ROR2: variants seen among roughly 807,000 people sequenced by gnomAD.
The protein encoded by ROR2 is ROR family WNT receptor 2, also known as tyrosine-protein kinase transmembrane receptor ROR2.
Under a neutral mutation model 74.9 loss-of-function variants are expected in ROR2, and 33 were observed. The observed-to-expected ratio is 0.44, with a 90% CI of 0.33 to 0.59. ROR2 has a LOEUF of 0.59. Ranked by LOEUF, ROR2 falls within the 20% of genes least tolerant of loss-of-function variation. The pLI, the probability that ROR2 is intolerant of heterozygous loss-of-function variation, is 0.02. For synonymous variants in ROR2, 586 were observed against 558.7 expected, an observed-to-expected ratio of 1.05 and a Z score of -0.69; for missense variants, 1,216 against 1,313.8, an observed-to-expected ratio of 0.93 and a Z score of 1.15.
chr9:91,818,159 C>T (rs184884369), intron 1 of ROR2, among the ~76,000 whole-genome samples: 5 of 152,146 alleles, frequency 3.3e-5, no homozygotes, highest in African/African-American at 1.2e-4. Flanking sequence ...GACTTCTTTC[C>T]AAGAACATGG....
intron 2 of ROR2, among the ~76,000 whole-genome samples, chr9:91,760,021 G>A (rs1050164516): frequency 5.3e-5 from 8 of 152,126 alleles, no homozygotes; most frequent in African/African-American, 1.4e-4. Context: ...CAGTATCAAC[G>A]CTCCCAAATT....
chr9:91,917,456 G>T lies in ROR2; in HGVS notation c.97+32411C>A, dbSNP rs376157000. 7.9e-5 allele frequency among the ~76,000 whole-genome samples: 12 copies of T among 152,198 alleles called. 1 individual carries two copies. The East Asian group carries it at 1.2e-3, about 15-fold the overall frequency. Reference sequence around the variant, plus strand: ...TGGACGCTGACACATTATGCAGAGGGCAGGGAAGCTCGTGTGTCCTCACTG... The same window carrying T: ...TGGACGCTGACACATTATGCAGAGGTCAGGGAAGCTCGTGTGTCCTCACTG... On this transcript the variant is annotated intron_variant, in intron 1 of 8. Coordinates refer to ENST00000375708, the MANE Select transcript of ROR2 (RefSeq NM_004560.4).
chr9:91,886,895 G>A (rs1830297788), intron 1 of ROR2: 1 of 152,134 alleles, frequency 6.6e-6, no homozygotes, highest in Non-Finnish European at 1.5e-5. Flanking sequence ...GGATTCCTAG[G>A]GATATATAAA....
At chr9:91,887,597 C>T (rs1240657009) in intron 1 of ROR2, among the ~76,000 whole-genome samples, 2 of 152,024 alleles carry the variant, frequency 1.3e-5, no homozygotes, top group African/African-American at 2.4e-5. Flanking sequence ...ATGAACATTC[C>T]CCTTATGGTT....
chr9:91,903,849 GTATT>G (rs1476754646), intron 1 of ROR2, among the ~76,000 whole-genome samples: 1 of 152,064 alleles, frequency 6.6e-6, no homozygotes, highest in Non-Finnish European at 1.5e-5. Context: ...CTTATTTTAC[GTATT>G]TAAAGGGATA....
At chr9:91,858,804 G>A (rs1052030912) in intron 1 of ROR2, among the ~76,000 whole-genome samples, 4 of 152,158 alleles carry the variant, frequency 2.6e-5, no homozygotes, top group African/African-American at 9.7e-5. Flanking sequence ...ATCTCCACAA[G>A]GACCCGTGAG....
chr9:91,783,185 G>A (rs1309893999), intron 1 of ROR2, among the ~76,000 whole-genome samples: 1 of 152,114 alleles, frequency 6.6e-6, no homozygotes, highest in Non-Finnish European at 1.5e-5. Flanking sequence ...GAGCCCTGAT[G>A]ACCTCCTTTT....
intron 1 of ROR2, among the ~76,000 whole-genome samples, chr9:91,907,271 G>T (rs570446271): frequency 6.6e-6 from 1 of 152,184 alleles, no homozygotes; most frequent in African/African-American, 2.4e-5. Flanking sequence ...GCAGCCCCCA[G>T]ACTCCTCCTC....
intron 7 of ROR2, among the ~76,000 whole-genome samples, chr9:91,726,981 C>T (rs1008297996): frequency 2.6e-5 from 4 of 152,118 alleles, no homozygotes; most frequent in African/African-American, 4.8e-5. Flanking sequence ...TGGAAACAAG[C>T]GGGAATATGC....
At chr9:91,839,279 T>TGTGTGTGTGTGTAAGTACAGGC (rs1554681728) in intron 1 of ROR2, among the ~76,000 whole-genome samples, 65 of 136,572 alleles carry the variant, frequency 4.8e-4, no homozygotes, top group African/African-American at 1.7e-3. Context: ...TGTGTGTGTG[T>TGTGTGTGTGTGTAAGTACAGGC]GTGTGTGTGT....
chr9:91,926,368 G>A (rs932483134), intron 1 of ROR2, among the ~76,000 whole-genome samples: 1 of 143,130 alleles, frequency 7.0e-6, no homozygotes, highest in African/African-American at 2.7e-5. Flanking sequence ...GGGCGACAGA[G>A]CAAGACTCCG....
At chr9:91,898,477 C>T (rs1830593281) in intron 1 of ROR2, among the ~76,000 whole-genome samples, 1 of 152,164 alleles carries the variant, frequency 6.6e-6, no homozygotes, top group African/African-American at 2.4e-5. Context: ...AGGATTACAA[C>T]CCCAAGACGT....
At chr9:91,796,436 GAAAAA>G (rs907750118) in intron 1 of ROR2, among the ~76,000 whole-genome samples, 2 of 87,700 alleles carry the variant, frequency 2.3e-5, no homozygotes, top group African/African-American at 7.3e-5. Context: ...TTGTCCCAAG[GAAAAA>G]AAAAAAAAAA....
chr9:91,928,282 TC>T (rs1340198510), intron 1 of ROR2, among the ~76,000 whole-genome samples: 3 of 151,998 alleles, frequency 2.0e-5, no homozygotes, highest in Non-Finnish European at 2.9e-5. Context: ...TATTTCCCAA[TC>T]CCCTCACTGC....
intron 1 of ROR2, among the ~76,000 whole-genome samples, chr9:91,892,716 A>C (rs1433210457): frequency 1.3e-5 from 2 of 150,982 alleles, no homozygotes; most frequent in African/African-American, 2.4e-5. Flanking sequence ...CAGCCCCCTG[A>C]GTAGCTGGGA....
At chr9:91,891,206 C>T (rs572122141) in intron 1 of ROR2, among the ~76,000 whole-genome samples, 3 of 152,074 alleles carry the variant, frequency 2.0e-5, no homozygotes, top group East Asian at 3.9e-4. Context: ...TGGGTTCCCA[C>T]CTCTTACACA....
intron 4 of ROR2, among the ~76,000 whole-genome samples, chr9:91,748,231 T>C (rs1825491841): frequency 6.6e-6 from 1 of 151,574 alleles, no homozygotes; most frequent in East Asian, 1.9e-4. Context: ...GCCAAGACTG[T>C]GCACTGCTGC....
At chr9:91,796,245 C>T (rs1587726332) in intron 1 of ROR2, among the ~76,000 whole-genome samples, 1 of 151,938 alleles carries the variant, frequency 6.6e-6, no homozygotes, top group Non-Finnish European at 1.5e-5. Context: ...AGTTTGAGAC[C>T]AGCTTGGGCA....
Position 91,926,914 on chromosome 9 carries a change from G to A in ROR2, c.97+22953C>T, listed in dbSNP as rs571842978. Among the ~76,000 whole-genome samples, 26 of 152,244 alleles carry A rather than the reference G, an allele frequency of 1.7e-4. 1 individual carries two copies. Among genetic ancestry groups the A allele is most frequent in the Non-Finnish European group, 1.6e-4 (11 of 68,008 alleles). ...AGGGGAAACAGTTTTGGAGATGGAT[G>A]GTAGTGAGGTGGTGATGGCTGCACA... On this transcript the variant is annotated intron_variant, in intron 1 of 8. Transcript: ENST00000375708.
Sources: gnomAD v4.1 joint callset for allele counts (sites outside exome capture counted in the v4.1 genomes callset) on GRCh38, gnomAD v4.1.1 for gene constraint, MANE v1.5 for transcripts, NCBI Gene and HGNC (gene_info 2026-07-23, HGNC 2026-07-21) for gene names.